The following HUWE1 variants were observed in gnomAD, a reference collection of about 807,000 sequenced individuals.
The protein encoded by HUWE1 is E3 ubiquitin-protein ligase HUWE1.
HUWE1 carries 18 observed loss-of-function variants against 299.4 expected under a neutral mutation model. The observed-to-expected ratio is 0.06, with a 90% CI of 0.04 to 0.09. The LOEUF is 0.09. Ranked by LOEUF, HUWE1 falls within the 10% of genes least tolerant of loss-of-function variation. HUWE1 has a pLI of 1.00. For missense variants in HUWE1, 1,832 were observed against 3,462.3 expected (o/e 0.53, Z 11.82); for synonymous variants, 1,317 against 1,286.1 (o/e 1.02, Z -0.51).
intron 43 of HUWE1, among the ~76,000 whole-genome samples, chrX:53,579,029 C>CG (rs1264431959): frequency 5.6e-4 from 7 of 12,464 alleles, no homozygotes; most frequent in East Asian, 2.7e-3. Flanking sequence ...GGGAGGGAGG[C>CG]GGGGGGGGGG....
In HUWE1 at chrX:53,595,216, G is replaced by A. The variant is rs1475201696; in HGVS notation, c.3351C>T (p.Pro1117=). Residue 1117 remains proline, a synonymous_variant, in exon 30 of 84, where the codon CCC becomes CCT. Transcript: ENST00000262854. The stretch of plus-strand genomic sequence containing the variant: ...ATCGGGGAGTAGGTGTATATGGTGG[G>A]GGCTGCCAAGATAACCCCTTAGTCA... ...KLLTKGLSWQ[P]PPYTPTPRFR... is the part of the protein sequence containing the mutation. 2 of 1,208,347 alleles carry A rather than the reference G, an allele frequency of 1.7e-6. No individual in the cohort carries two copies. The highest frequency in any genetic ancestry group is 2.2e-5 in the Admixed American group (1 of 45,581).
intron 46 of HUWE1, 143 bp from the exon 47 acceptor site, chrX:53,574,107 G>A (rs1209826333): frequency 9.8e-6 from 5 of 512,424 alleles, no homozygotes; most frequent in Non-Finnish European, 1.7e-5. Context: ...CAGTGCAAGA[G>A]CAGAGAACCA....
intron 45 of HUWE1, 116 bp downstream of exon 45, chrX:53,575,527 T>G (rs1556957780): frequency 1.2e-6 from 1 of 844,072 alleles, no homozygotes; most frequent in Non-Finnish European, 1.7e-6. Context: ...ACAGATAATT[T>G]ACAGATACAT....
chrX:53,581,652 T>C (rs1199220138), intron 42 of HUWE1, among the ~76,000 whole-genome samples: 1 of 111,537 alleles, frequency 9.0e-6, no homozygotes, highest in East Asian at 2.8e-4. Context: ...GAAAAACATC[T>C]TTTGGTATCT....
intron 17 of HUWE1, among the ~76,000 whole-genome samples, chrX:53,626,568 A>T (rs1443971598): frequency 9.0e-6 from 1 of 111,719 alleles, no homozygotes; most frequent in Admixed American, 9.5e-5. Flanking sequence ...GAATATGCAT[A>T]AAAAAGCCTG....
chrX:53,620,411 T>C (rs950891382), intron 19 of HUWE1, among the ~76,000 whole-genome samples: 6 of 110,293 alleles, frequency 5.4e-5, no homozygotes, highest in African/African-American at 2.0e-4. Flanking sequence ...CTGCAAACAT[T>C]TTTATTTGTT....
chrX:53,573,887 C>A lies in HUWE1; in HGVS notation c.6175G>T (p.Gly2059Cys). 3.3e-6 allele frequency: 4 copies of A among 1,211,598 alleles called. No individual in the cohort carries two copies. In the Middle Eastern group the frequency reaches 9.2e-4, roughly 279 times the overall value. Residue 2059 changes from glycine (G) to cysteine (C), a missense_variant, in exon 47 of 84, where the codon GGC becomes TGC. Physicochemically the swap from Gly to Cys is radical, Grantham distance 159 (BLOSUM62 -3). This residue lies in a region of HUWE1 where 157 missense variants were observed against 252.3 expected (regional missense o/e 0.62). Transcript: ENST00000262854. ...DRASEEGKQK[G>C]KGSKPLMPTS... ...GGCATTAAAGGTTTGCTGCCCTTGC[C>A]TTTCTGTTTGCCTTCCTCAGAGGCC...
At chrX:53,538,750 TCTC>T (rs1422184735) in intron 76 of HUWE1, 82 bp downstream of exon 76, 375 of 914,004 alleles carry the variant, frequency 4.1e-4, no homozygotes, top group African/African-American at 1.6e-3. Context: ...TCTCTCTCTC[TCTC>T]ATCAACTAAG....
At chrX:53,547,521 G>C in intron 68 of HUWE1, 152 bp downstream of exon 68, 1 of 878,901 alleles carries the variant, frequency 1.1e-6, no homozygotes, top group South Asian at 2.6e-5. Flanking sequence ...AGAGAACTGG[G>C]ACAGATGAGG....
intron 4 of HUWE1, among the ~76,000 whole-genome samples, chrX:53,652,607 A>G (rs1172605291): frequency 6.2e-5 from 7 of 112,219 alleles, no homozygotes; most frequent in Non-Finnish European, 1.9e-5. Flanking sequence ...CACAGTTGTC[A>G]AAACTTCTAG....
chrX:53,636,350 G>C (rs1557026419), intron 7 of HUWE1, among the ~76,000 whole-genome samples: 1 of 112,221 alleles, frequency 8.9e-6, no homozygotes, highest in African/African-American at 3.2e-5. Flanking sequence ...ATAATCAGAA[G>C]TTTAAAACAA....
At chrX:53,675,832 C>T (rs1448010361) in intron 3 of HUWE1, among the ~76,000 whole-genome samples, 1 of 111,427 alleles carries the variant, frequency 9.0e-6, no homozygotes, top group Non-Finnish European at 1.9e-5. Context: ...ATTAGGAATA[C>T]TTATTATAGG....
At chrX:53,553,008 T>G in intron 61 of HUWE1, 115 bp from the exon 62 acceptor site, 1 of 789,152 alleles carries the variant, frequency 1.3e-6, no homozygotes, top group Non-Finnish European at 1.9e-6. Context: ...GACTTCTCAC[T>G]TCTCCCTTGC....
At chrX:53,550,045 A>G (rs1006791406) in intron 66 of HUWE1, among the ~76,000 whole-genome samples, 6 of 110,874 alleles carry the variant, frequency 5.4e-5, no homozygotes, top group Non-Finnish European at 9.4e-5. Context: ...AGCCACGACA[A>G]CTGGCCGAGA....
At position 53,550,477 on chromosome X, in the gene HUWE1, C is replaced by T. The variant is rs192116761; in HGVS notation, c.9488+189G>A. Among the ~76,000 whole-genome samples, 370 of 112,098 alleles carry T rather than the reference C, an allele frequency of 3.3e-3. 1 individual carries two copies. Among genetic ancestry groups the T allele is most frequent in the Admixed American group, 6.3e-3 (67 of 10,578 alleles). The stretch of plus-strand genomic sequence containing the variant: ...GCGATTGTGGTCTTTGGTAGCAAGA[C>T]TAACCAAAAGGTGTAGTTTTCTGAA... On this transcript the variant is annotated intron_variant, in intron 66 of 83. Transcript: ENST00000262854.
intron 29 of HUWE1, 46 bp from the exon 30 acceptor site, chrX:53,595,449 G>C: frequency 1.0e-6 from 1 of 1,004,228 alleles, no homozygotes; most frequent in Non-Finnish European, 1.4e-6. Flanking sequence ...TTCTCAGAAT[G>C]GTTTAATTAC....
chrX:53,578,618 G>A (rs782191740), intron 43 of HUWE1, among the ~76,000 whole-genome samples: 143 of 92,250 alleles, frequency 1.6e-3, no homozygotes, highest in African/African-American at 5.5e-3. Flanking sequence ...CGCCCCGTCC[G>A]GGAGGGAGGT....
intron 57 of HUWE1, 139 bp from the exon 58 acceptor site, chrX:53,559,199 A>T: frequency 1.3e-5 from 10 of 779,872 alleles, no homozygotes; most frequent in Non-Finnish European, 1.7e-5. Flanking sequence ...ACCTAGAGAC[A>T]ATAAAGTTTT....
chrX:53,670,401 C>T (rs1177666996), intron 3 of HUWE1, among the ~76,000 whole-genome samples: 1 of 111,349 alleles, frequency 9.0e-6, no homozygotes, highest in Non-Finnish European at 1.9e-5. Context: ...CACCACTATC[C>T]AGCCATGTTA....
Sources: allele counts gnomAD v4.1 joint callset (sites outside exome capture counted in the v4.1 genomes callset), GRCh38; gene constraint gnomAD v4.1.1; regional missense constraint gnomAD v4.1.1; transcripts MANE v1.5; gene names NCBI Gene and HGNC (gene_info 2026-07-23, HGNC 2026-07-21).